CC2D2B: variants seen among roughly 807,000 people sequenced by gnomAD.
CC2D2B encodes the protein protein CC2D2B.
In CC2D2B, 128 loss-of-function variants were observed where a neutral mutation model predicts 161.2. The ratio of observed to expected loss-of-function variants is 0.79; its 90% confidence interval spans 0.69 to 0.92. The LOEUF (loss-of-function observed/expected upper bound fraction) is 0.92, where lower values mean the gene tolerates loss of function less well. Among genes scored for constraint, CC2D2B ranks in the 40% least tolerant of loss-of-function variants. The probability of loss-of-function intolerance (pLI) is 0.00; values close to 1 mark genes in which losing one functional copy is unlikely to be tolerated. For missense variants in CC2D2B, 1,173 were observed against 1,375.1 expected (o/e 0.85, Z 2.32); for synonymous variants, 391 against 449.8 (o/e 0.87, Z 1.65).
chr10:95,938,792 G>T lies in CC2D2B; in HGVS notation c.673-5G>T. 1 of 704,850 alleles carries T rather than the reference G, an allele frequency of 1.4e-6. No homozygotes were observed. The highest frequency in any genetic ancestry group is 1.6e-5 in the South Asian group (1 of 63,944). The allele number at this position is 704,850 out of a possible 1,614,324, so 43.7% of individuals were successfully genotyped here. A position where few individuals can be genotyped will look rare whatever the true frequency, so the allele number is the denominator to read the frequency against. ...TTAATTACTATACTTAAATATTTTTGATAGGGAAAATGTTGGTTTGGAGAA... is the reference window on the plus strand; with the variant it reads ...TTAATTACTATACTTAAATATTTTTTATAGGGAAAATGTTGGTTTGGAGAA... On this transcript the variant is annotated splice_polypyrimidine_tract_variant and splice_region_variant and intron_variant, in intron 8 of 34. Transcript: ENST00000646931.
At chr10:96,018,478 C>A (rs1279486672) in intron 30 of CC2D2B, among the ~76,000 whole-genome samples, 1 of 152,180 alleles carries the variant, frequency 6.6e-6, no homozygotes, top group East Asian at 1.9e-4. Context: ...CAAATATATT[C>A]TAACCAAAGC....
At chr10:96,019,445 C>T in intron 31 of CC2D2B, 108 bp downstream of exon 31, 3 of 1,157,040 alleles carry the variant, frequency 2.6e-6, no homozygotes, top group South Asian at 3.1e-5. Context: ...ATCAGATTCC[C>T]TAGGGCATGG....
chr10:95,964,199 CAG>C (rs2076862974), intron 12 of CC2D2B, among the ~76,000 whole-genome samples: 1 of 152,142 alleles, frequency 6.6e-6, no homozygotes, highest in Non-Finnish European at 1.5e-5. Flanking sequence ...CATCATTTCC[CAG>C]AGTCATTTGG....
At chr10:95,963,094 A>G (rs556808379) in intron 12 of CC2D2B, among the ~76,000 whole-genome samples, 14 of 152,080 alleles carry the variant, frequency 9.2e-5, no homozygotes, top group South Asian at 2.1e-4. Context: ...TTTGGCTTCA[A>G]TTTGTCTCTC....
intron 17 of CC2D2B, among the ~76,000 whole-genome samples, chr10:95,980,630 A>G (rs1343509121): frequency 6.6e-6 from 1 of 152,162 alleles, no homozygotes; most frequent in Non-Finnish European, 1.5e-5. Flanking sequence ...GAGGGCAGAC[A>G]TGGGAAGCAA....
intron 14 of CC2D2B, 51 bp downstream of exon 14, chr10:95,966,353 G>A (rs2141455574): frequency 1.5e-6 from 1 of 687,868 alleles, no homozygotes; most frequent in South Asian, 7.5e-5. Context: ...CTATTAATTG[G>A]ATTGTTTTTA....
intron 25 of CC2D2B, among the ~76,000 whole-genome samples, chr10:96,008,198 T>C (rs907049457): frequency 6.6e-6 from 1 of 151,658 alleles, no homozygotes; most frequent in African/African-American, 2.4e-5. Flanking sequence ...TTTGCTTCTT[T>C]TACTCAGAAA....
At chr10:95,981,366 C>A (rs1263113999) in intron 17 of CC2D2B, among the ~76,000 whole-genome samples, 4 of 140,922 alleles carry the variant, frequency 2.8e-5, no homozygotes, top group African/African-American at 5.3e-5. Context: ...GCACTCCAGC[C>A]TGGCAACTGG....
At chr10:95,971,813 C>T (rs980824842) in intron 15 of CC2D2B, among the ~76,000 whole-genome samples, 1 of 152,234 alleles carries the variant, frequency 6.6e-6, no homozygotes, top group South Asian at 2.1e-4. Context: ...ATATGTACCT[C>T]ATATATTTAT....
chr10:95,921,389 A>C (rs1487751677), intron 2 of CC2D2B: 1 of 152,196 alleles, frequency 6.6e-6, no homozygotes, highest in Non-Finnish European at 1.5e-5. Context: ...TGGGGATGAG[A>C]GAGAGGTGGT....
intron 1 of CC2D2B, among the ~76,000 whole-genome samples, chr10:95,910,900 AT>A (rs1216983923): frequency 2.0e-5 from 3 of 151,864 alleles, no homozygotes; most frequent in African/African-American, 7.3e-5. Context: ...TGTGAAAGTG[AT>A]TTTTTTCTAG....
At chr10:95,926,842 G>GTGTC (rs1554828981) in intron 5 of CC2D2B, among the ~76,000 whole-genome samples, 107 of 142,642 alleles carry the variant, frequency 7.5e-4, no homozygotes, top group Non-Finnish European at 1.2e-3. Context: ...GTGTGTGTGT[G>GTGTC]TGTGTCTGTG....
At chr10:95,993,949 TG>T (rs2078114015) in intron 22 of CC2D2B, among the ~76,000 whole-genome samples, 3 of 9,412 alleles carry the variant, frequency 3.2e-4, no homozygotes, top group Non-Finnish European at 2.2e-4. Context: ...TGTGTATGTA[TG>T]TGTATATATA....
chr10:95,993,863 GAGA>G (rs2078066218), intron 22 of CC2D2B, among the ~76,000 whole-genome samples: 1 of 108,760 alleles, frequency 9.2e-6, no homozygotes, highest in African/African-American at 3.7e-5. Context: ...GAGAGAGAGA[GAGA>G]GAGAGTGTAT....
rs369175541 is a variant in CC2D2B at position 96,014,127 on chromosome 10, T to C, written c.3516+250T>C. On this transcript the variant is annotated intron_variant, in intron 29 of 34. Transcript: ENST00000646931. ...AACGGGAATTCCAGGAGTATAATATTATGCCATTCTCCAGAGAGCAGTGTG... is the reference window on the plus strand; with the variant it reads ...AACGGGAATTCCAGGAGTATAATATCATGCCATTCTCCAGAGAGCAGTGTG... 2.6e-5 allele frequency among the ~76,000 whole-genome samples: 4 copies of C among 152,286 alleles called. No homozygotes were observed. In the South Asian group the frequency reaches 8.3e-4, roughly 32 times the overall value.
chr10:95,952,212 C>G (rs568847521), intron 10 of CC2D2B: 1 of 152,248 alleles, frequency 6.6e-6, no homozygotes, highest in Non-Finnish European at 1.5e-5. Context: ...GAAATATGCT[C>G]CTTTATATGA....
chr10:95,959,395 C>T (rs2076686931), intron 11 of CC2D2B, among the ~76,000 whole-genome samples: 1 of 152,106 alleles, frequency 6.6e-6, no homozygotes, highest in African/African-American at 2.4e-5. Context: ...TTAGCAAGCC[C>T]TCCAGGTGAT....
At chr10:95,967,074 A>C (rs2076964731) in intron 14 of CC2D2B, among the ~76,000 whole-genome samples, 1 of 152,148 alleles carries the variant, frequency 6.6e-6, no homozygotes, top group Non-Finnish European at 1.5e-5. Flanking sequence ...AATACTGGGT[A>C]ATCAATAAAT....
chr10:95,968,843 T>C lies in CC2D2B; in HGVS notation c.1586T>C (p.Met529Thr). The C allele has an allele frequency of 3.3e-6, 4 of 1,227,604 alleles. No homozygotes were observed. The highest frequency in any genetic ancestry group is 4.1e-6 in the Non-Finnish European group (4 of 984,006). The allele number at this position is 1,227,604 out of a possible 1,614,324, so 76.0% of individuals were successfully genotyped here. Residue 529 changes from methionine to threonine, a missense_variant, in exon 15 of 35, where the codon ATG becomes ACG. By Grantham distance (81) the Met-to-Thr change is moderately conservative. Transcript: ENST00000646931. ...VSPLQFDFKV[M>T]FQQIFNIQLM... ...CCCCTACAGTTTGATTTTAAAGTCA[T>C]GTTTCAGCAAATTTTCAATATTCAG...
Sources: gnomAD v4.1 joint callset for allele counts (sites outside exome capture counted in the v4.1 genomes callset) on GRCh38, gnomAD v4.1.1 for gene constraint, MANE v1.5 for transcripts, NCBI Gene and HGNC (gene_info 2026-07-23, HGNC 2026-07-21) for gene names.